Variants in SGPL1 observed in about 807,000 individuals in gnomAD.
SGPL1 encodes SP-lyase 1.
Under a neutral mutation model 68.9 loss-of-function variants are expected in SGPL1, and 37 were observed. That is an observed-to-expected ratio of 0.54 (90% CI 0.41 to 0.71). The LOEUF (loss-of-function observed/expected upper bound fraction) is 0.71, where lower values mean the gene tolerates loss of function less well. Ranked by LOEUF, SGPL1 falls within the 30% of genes least tolerant of loss-of-function variation. SGPL1 has a pLI of 0.00. For synonymous variants in SGPL1, 236 were observed against 248.5 expected (o/e 0.95, Z 0.47); for missense variants, 551 against 704.6 (o/e 0.78, Z 2.47).
intron 4 of SGPL1, 132 bp downstream of exon 4, chr10:70,851,342 A>G (rs894096814): frequency 2.7e-6 from 2 of 731,870 alleles, no homozygotes; most frequent in Non-Finnish European, 4.7e-6. Context: ...ACTTGGCAGC[A>G]TTTGGAGACA....
intron 9 of SGPL1, 149 bp from the exon 10 acceptor site, chr10:70,870,899 G>T: frequency 1.5e-6 from 1 of 654,906 alleles, no homozygotes; most frequent in Non-Finnish European, 2.8e-6. Flanking sequence ...ACCGTGGTGG[G>T]ATGCAGTCTT....
At chr10:70,872,800 A>G (rs868074033) in intron 11 of SGPL1, among the ~76,000 whole-genome samples, 28 of 152,132 alleles carry the variant, frequency 1.8e-4, no homozygotes, top group African/African-American at 6.8e-4. Flanking sequence ...GTTAGTTTTA[A>G]TAAGAGTTAA....
rs1845987335 is a variant in SGPL1 at position 70,857,654 on chromosome 10, C to T, written c.450C>T (p.Tyr150=). The stretch of plus-strand genomic sequence containing the variant: ...AGGGGAGAGCCTCTGGAACAGTGTA[C>T]AGTGGGGAGGAGAAGCTCACTGAGC... ...WQEGRASGTV[Y]SGEEKLTELL... is the part of the protein sequence containing the mutation. The change falls in exon 6 of 15, where the codon TAC becomes TAT. Residue 150 remains tyrosine, a synonymous_variant. Coordinates refer to ENST00000373202, the MANE Select transcript of SGPL1 (RefSeq NM_003901.4). 1 of 1,613,186 alleles carries T rather than the reference C, an allele frequency of 6.2e-7. No individual in the cohort carries two copies. Among genetic ancestry groups the T allele is most frequent in the Middle Eastern group, 1.7e-4 (1 of 6,050 alleles).
intron 1 of SGPL1, 144 bp from the exon 2 acceptor site, chr10:70,816,667 A>G (rs1845237098): frequency 1.4e-6 from 1 of 701,240 alleles, no homozygotes; most frequent in South Asian, 1.6e-5. Context: ...CTGGGGTGCT[A>G]GGGGTGGACT....
intron 13 of SGPL1, among the ~76,000 whole-genome samples, chr10:70,876,157 C>G (rs990617576): frequency 6.6e-6 from 1 of 152,082 alleles, no homozygotes; most frequent in Non-Finnish European, 1.5e-5. Flanking sequence ...GCCCTGAAGT[C>G]CTTTAAGACC....
chr10:70,869,445 A>G (rs1273877360), intron 8 of SGPL1: 1 of 159,404 alleles, frequency 6.3e-6, no homozygotes, highest in African/African-American at 2.4e-5. Context: ...TTGGTAGGCA[A>G]CCGTTAGCCA....
intron 2 of SGPL1, among the ~76,000 whole-genome samples, chr10:70,839,466 T>TG (rs1348267584): frequency 2.0e-5 from 3 of 152,158 alleles, no homozygotes. Context: ...TAAGCACCCC[T>TG]GTCCCCCTTC....
At chr10:70,820,693 T>A (rs1475772793) in intron 2 of SGPL1, among the ~76,000 whole-genome samples, 2 of 151,918 alleles carry the variant, frequency 1.3e-5, no homozygotes, top group African/African-American at 4.8e-5. Flanking sequence ...GAGAGTTGCT[T>A]GAACCCGGGA....
rs777037174 is a variant in SGPL1, at chr10:70,879,883, G to A, written c.*2548G>A. On this transcript the variant is annotated 3_prime_UTR_variant, in exon 15 of 15. Coordinates refer to ENST00000373202, the MANE Select transcript of SGPL1 (RefSeq NM_003901.4). ...TCATGTCGCATGCAGATGTCACATC[G>A]GCCTCTGCAAAAACTGTACTGTCTT... 4 of 152,646 alleles carry A rather than the reference G, an allele frequency of 2.6e-5. No individual in the cohort carries two copies. The highest frequency in any genetic ancestry group is 7.2e-5 in the African/African-American group (3 of 41,526). The allele number at this position is 152,646 out of a possible 1,614,324, so 9.5% of individuals were successfully genotyped here.
At chr10:70,833,349 T>G (rs1845574889) in intron 2 of SGPL1, among the ~76,000 whole-genome samples, 1 of 152,216 alleles carries the variant, frequency 6.6e-6, no homozygotes, top group African/African-American at 2.4e-5. Context: ...AGTGGAATTT[T>G]GGGGGAAGTA....
In SGPL1 at chr10:70,816,833, A is replaced by T; in HGVS notation, c.-21A>T. On this transcript the variant is annotated 5_prime_UTR_variant, in exon 2 of 15. Transcript: ENST00000373202. ...CAGAGTCTGAAAAAGGGGAGCGCGG[A>T]GAGGAGGCTGGAAGAGGAAGATGCC... is the stretch of plus-strand genomic sequence containing the variant. 6.2e-7 allele frequency: 1 copy of T among 1,613,664 alleles called. No homozygotes were observed. Among genetic ancestry groups the T allele is most frequent in the Non-Finnish European group, 8.5e-7 (1 of 1,179,580 alleles).
chr10:70,870,937 G>T, intron 9 of SGPL1, 111 bp from the exon 10 acceptor site: 1 of 778,636 alleles, frequency 1.3e-6, no homozygotes, highest in Non-Finnish European at 2.2e-6. Flanking sequence ...GAAGGAGGGG[G>T]TACTGGTGGA....
intron 11 of SGPL1, among the ~76,000 whole-genome samples, 191 bp downstream of exon 11, chr10:70,872,177 G>A (rs1846309889): frequency 6.6e-6 from 1 of 152,224 alleles, no homozygotes; most frequent in Non-Finnish European, 1.5e-5. Context: ...GAGGTGACAA[G>A]CAGTAGTGAA....
intron 2 of SGPL1, among the ~76,000 whole-genome samples, chr10:70,830,161 C>A (rs1163711932): frequency 2.6e-5 from 4 of 152,108 alleles, no homozygotes; most frequent in Non-Finnish European, 5.9e-5. Flanking sequence ...GGTTTCTTAG[C>A]TGAAGGGACA....
chr10:70,833,473 T>A lies in SGPL1; in HGVS notation c.28-11000T>A, dbSNP rs1845577146. 2.6e-5 allele frequency among the ~76,000 whole-genome samples: 4 copies of A among 152,236 alleles called. No homozygotes were observed. In the South Asian group the frequency reaches 8.3e-4, roughly 31 times the overall value. On this transcript the variant is annotated intron_variant, in intron 2 of 14. Transcript: ENST00000373202. Reference sequence around the variant, plus strand: ...CTGGTTTTGTTGCTCAGTTCTTACTTCTTTAATGACCCAAGAGGATTTTCC... The same window carrying A: ...CTGGTTTTGTTGCTCAGTTCTTACTACTTTAATGACCCAAGAGGATTTTCC...
At chr10:70,834,299 T>C (rs186102263) in intron 2 of SGPL1, among the ~76,000 whole-genome samples, 3 of 152,280 alleles carry the variant, frequency 2.0e-5, no homozygotes, top group South Asian at 2.1e-4. Context: ...TTGGATGATA[T>C]TGATGTACCC....
intron 3 of SGPL1, among the ~76,000 whole-genome samples, chr10:70,849,636 G>C (rs1227758815): frequency 6.6e-6 from 1 of 152,204 alleles, no homozygotes; most frequent in Non-Finnish European, 1.5e-5. Context: ...AGAGATGCAA[G>C]GCATGATGTG....
chr10:70,840,172 T>C (rs370410479), intron 2 of SGPL1, among the ~76,000 whole-genome samples: 3 of 152,144 alleles, frequency 2.0e-5, no homozygotes, highest in South Asian at 2.1e-4. Context: ...TGCCCATGAA[T>C]ACTGAAAATC....
At chr10:70,876,492 C>T (rs371543211) in intron 13 of SGPL1, 49 bp from the exon 14 acceptor site, 18 of 1,549,366 alleles carry the variant, frequency 1.2e-5, no homozygotes, top group Non-Finnish European at 1.5e-5. Flanking sequence ...CATTTTAGAA[C>T]ATTTTTTCTT....
Sources: gnomAD v4.1 joint callset for allele counts (sites outside exome capture counted in the v4.1 genomes callset) on GRCh38, gnomAD v4.1.1 for gene constraint, MANE v1.5 for transcripts, NCBI Gene and HGNC (gene_info 2026-07-23, HGNC 2026-07-21) for gene names.